Variants in SPTY2D1 observed in about 807,000 individuals in gnomAD.
SPTY2D1 encodes the protein protein SPT2 homolog.
A neutral mutation model predicts 64.0 loss-of-function variants in SPTY2D1; 21 were observed. That is an observed-to-expected ratio of 0.33 (90% CI 0.23 to 0.47). The LOEUF (loss-of-function observed/expected upper bound fraction) is 0.47. Among genes scored for constraint, SPTY2D1 ranks in the 20% least tolerant of loss-of-function variants. The probability of loss-of-function intolerance (pLI) is 1.00; values close to 1 mark genes in which losing one functional copy is unlikely to be tolerated. For missense variants in SPTY2D1, 724 were observed against 837.2 expected, an observed-to-expected ratio of 0.86 and a Z score of 1.67; for synonymous variants, 287 against 286.8, an observed-to-expected ratio of 1.00 and a Z score of -0.01.
intron 1 of SPTY2D1, among the ~76,000 whole-genome samples, chr11:18,632,578 A>C (rs1041380187): frequency 6.6e-6 from 1 of 152,094 alleles, no homozygotes; most frequent in Non-Finnish European, 1.5e-5. Context: ...CAAACTCCTG[A>C]CTTCAGGTGA....
At chr11:18,614,523 A>G (rs1246829598) in intron 3 of SPTY2D1, 40 bp downstream of exon 3, 1 of 1,545,476 alleles carries the variant, frequency 6.5e-7, no homozygotes, top group Non-Finnish European at 8.7e-7. Context: ...CAATTTCCTA[A>G]TGACAAATAT....
chr11:18,634,326 C>T lies in SPTY2D1; in HGVS notation c.-69G>A. 1.3e-6 allele frequency: 2 copies of T among 1,556,262 alleles called. No homozygotes were observed. Among genetic ancestry groups the T allele is most frequent in the South Asian group, 1.1e-5 (1 of 89,922 alleles). The stretch of plus-strand genomic sequence containing the variant: ...ACTGACAGCGCACCTAACCGAGGCG[C>T]CCAGCTACAGCCAACTGCACTGCCT... On this transcript the variant is annotated 5_prime_UTR_variant, in exon 1 of 6. Coordinates refer to ENST00000336349, the MANE Select transcript of SPTY2D1 (RefSeq NM_194285.3).
chr11:18,611,073 T>C (rs533138987), intron 5 of SPTY2D1, among the ~76,000 whole-genome samples: 7 of 152,242 alleles, frequency 4.6e-5, no homozygotes, highest in South Asian at 2.1e-4. Flanking sequence ...GGCAGGAGGA[T>C]TGCTTGAGCC....
At position 18,614,544 on chromosome 11, in the gene SPTY2D1, G is replaced by A. The variant is rs754801610; in HGVS notation, c.1711+19C>T. On this transcript the variant is annotated intron_variant, in intron 3 of 5. Coordinates refer to ENST00000336349, the MANE Select transcript of SPTY2D1 (RefSeq NM_194285.3). ...CCTAATGACAAATATATACTCTTTC[G>A]GGTGAGGGGAAATTTTACCTTGGGC... is the stretch of plus-strand genomic sequence containing the variant. 18 of 1,585,560 alleles carry A rather than the reference G, an allele frequency of 1.1e-5. No homozygotes were observed. The highest frequency in any genetic ancestry group is 6.8e-5 in the South Asian group (6 of 88,026).
intron 4 of SPTY2D1, among the ~76,000 whole-genome samples, chr11:18,611,996 A>G (rs1282971167): frequency 2.0e-5 from 3 of 152,334 alleles, no homozygotes; most frequent in Non-Finnish European, 4.4e-5. Flanking sequence ...GACCAAGAAC[A>G]TACAGCTTGT....
chr11:18,621,569 A>AC (rs1236945776), intron 1 of SPTY2D1, among the ~76,000 whole-genome samples: 1 of 152,184 alleles, frequency 6.6e-6, no homozygotes, highest in Admixed American at 6.5e-5. Flanking sequence ...CATTAAGGAT[A>AC]CTTAAGCTGG....
At chr11:18,632,827 C>T (rs1468603170) in intron 1 of SPTY2D1, among the ~76,000 whole-genome samples, 1 of 152,142 alleles carries the variant, frequency 6.6e-6, no homozygotes, top group Non-Finnish European at 1.5e-5. Context: ...TCTGATTCTT[C>T]CACAGAACAG....
In SPTY2D1 at chr11:18,612,672, T is replaced by C. The variant is rs868691823; in HGVS notation, c.1712-184A>G. On this transcript the variant is annotated intron_variant, in intron 3 of 5. Transcript: ENST00000336349. This position sits in a 1 kb window ranked among gnomAD's most constrained non-coding sequence, Gnocchi z 4.6. ...GTATCCAGAAGGAACAGAACTCCTGTTTTATCCCAGGGCTTACCAGAAATA... is the reference window on the plus strand; with the variant it reads ...GTATCCAGAAGGAACAGAACTCCTGCTTTATCCCAGGGCTTACCAGAAATA... Among the ~76,000 whole-genome samples, 1 of 152,310 alleles carries C rather than the reference T, an allele frequency of 6.6e-6. No homozygotes were observed. Among genetic ancestry groups the C allele is most frequent in the Middle Eastern group, 3.4e-3 (1 of 294 alleles).
At chr11:18,622,224 A>C (rs1233231601) in intron 1 of SPTY2D1, among the ~76,000 whole-genome samples, 1 of 151,896 alleles carries the variant, frequency 6.6e-6, no homozygotes, top group Non-Finnish European at 1.5e-5. Context: ...GATCATCTTT[A>C]TATTTTTGGA....
At chr11:18,616,222 G>T (rs1854298342) in intron 2 of SPTY2D1, 124 bp from the exon 3 acceptor site, 1 of 855,834 alleles carries the variant, frequency 1.2e-6, no homozygotes, top group Non-Finnish European at 1.8e-6. Context: ...AGGAAGTCAT[G>T]TGAACAAGTA....
chr11:18,615,930 G>T lies in SPTY2D1; in HGVS notation c.344C>A (p.Thr115Asn), dbSNP rs1220013128. ...SKKRQATESH[T>N]SQGTDREYEM... ...ATACTCTCGGTCGGTTCCTTGGCTG[G>T]TATGGCTTTCTGTTGCCTGCCTCTT... Residue 115 changes from threonine (T) to asparagine (N), a missense_variant, in exon 3 of 6, where the codon ACC (threonine) becomes AAC (asparagine). Coordinates refer to ENST00000336349, the MANE Select transcript of SPTY2D1 (RefSeq NM_194285.3). The T allele has an allele frequency of 5.6e-6, 9 of 1,614,098 alleles. No individual in the cohort carries two copies. Among genetic ancestry groups the T allele is most frequent in the Non-Finnish European group, 7.6e-6 (9 of 1,180,016 alleles).
In SPTY2D1 at chr11:18,613,313, C is replaced by G. The variant is rs185222453; in HGVS notation, c.1712-825G>C. 1.4e-4 allele frequency among the ~76,000 whole-genome samples: 21 copies of G among 152,320 alleles called. No individual in the cohort carries two copies. The East Asian group carries it at 3.9e-3, about 28-fold the overall frequency. On this transcript the variant is annotated intron_variant, in intron 3 of 5. Transcript: ENST00000336349. The stretch of plus-strand genomic sequence containing the variant: ...TACCAAAAGACTGATAAAAACTTTG[C>G]AAAAGACAGGCATTGATCAACAGCC...
chr11:18,619,376 T>C (rs530779296), intron 1 of SPTY2D1, among the ~76,000 whole-genome samples: 4 of 150,746 alleles, frequency 2.7e-5, no homozygotes, highest in African/African-American at 9.8e-5. Context: ...CCTAGCACTT[T>C]AGGAGGCTGA....
intron 1 of SPTY2D1, among the ~76,000 whole-genome samples, chr11:18,619,433 A>G (rs1854354665): frequency 6.6e-6 from 1 of 150,812 alleles, no homozygotes; most frequent in Non-Finnish European, 1.5e-5. Context: ...CAGCCTGGAC[A>G]ACATGGTGAG....
At chr11:18,617,128 C>T in intron 1 of SPTY2D1, 139 bp from the exon 2 acceptor site, 1 of 640,572 alleles carries the variant, frequency 1.6e-6, no homozygotes, top group South Asian at 2.4e-5. Context: ...ATCATATAAC[C>T]CATAATAAAG....
chr11:18,615,124 T>C lies in SPTY2D1; in HGVS notation c.1150A>G (p.Thr384Ala), dbSNP rs767028265. 1 of 1,614,194 alleles carries C rather than the reference T, an allele frequency of 6.2e-7. No homozygotes were observed. The highest frequency in any genetic ancestry group is 8.5e-7 in the Non-Finnish European group (1 of 1,180,032). ...SSSSAPGQPS[T>A]GVARPTVSSG... is the part of the protein sequence containing the mutation. ...CTAACTGTGGGTCGAGCAACCCCTG[T>C]GCTGGGCTGCCCAGGGGCTGAGCTA... The change falls in exon 3 of 6, where the codon ACA becomes GCA. Residue 384 changes from threonine (T) to alanine (A), a missense_variant. By Grantham distance (58) the Thr-to-Ala change is moderately conservative. This residue lies in a region of SPTY2D1 where 426 missense variants were observed against 431.8 expected (regional missense o/e 0.99). Coordinates refer to ENST00000336349, the MANE Select transcript of SPTY2D1 (RefSeq NM_194285.3).
intron 1 of SPTY2D1, among the ~76,000 whole-genome samples, chr11:18,629,238 C>T (rs536717160): frequency 1.5e-4 from 23 of 152,288 alleles, no homozygotes; most frequent in Admixed American, 7.2e-4. Context: ...TGGTGGCTCG[C>T]GCCTGTAATT....
chr11:18,614,981 A>G lies in SPTY2D1; in HGVS notation c.1293T>C (p.Gly431=), dbSNP rs1377055473. The G allele has an allele frequency of 6.2e-7, 1 of 1,614,074 alleles. No individual in the cohort carries two copies. The highest frequency in any genetic ancestry group is 1.3e-5 in the African/African-American group (1 of 74,946). ...TTGCAGGTTGTCCAGGGCCACATGTACCACTGACTGTCCGCCTAGAGGGAT... is the reference window on the plus strand; with the variant it reads ...TTGCAGGTTGTCCAGGGCCACATGTGCCACTGACTGTCCGCCTAGAGGGAT... ...DSNPSRRTVS[G]TCGPGQPASS... The change falls in exon 3 of 6, where the codon GGT becomes GGC. Residue 431 remains glycine, a synonymous_variant. Coordinates refer to ENST00000336349, the MANE Select transcript of SPTY2D1 (RefSeq NM_194285.3).
intron 3 of SPTY2D1, among the ~76,000 whole-genome samples, chr11:18,613,508 T>G (rs1164869854): frequency 1.3e-5 from 2 of 152,312 alleles, no homozygotes; most frequent in African/African-American, 4.8e-5. Context: ...ATCCCATGCA[T>G]TGTTTGTCAG....
Sources: allele counts gnomAD v4.1 joint callset (sites outside exome capture counted in the v4.1 genomes callset), GRCh38; gene constraint gnomAD v4.1.1; regional missense constraint gnomAD v4.1.1; non-coding constraint Gnocchi (gnomAD v3.1); transcripts MANE v1.5; gene names NCBI Gene and HGNC (gene_info 2026-07-23, HGNC 2026-07-21).